Variants in GRIN2B observed in about 807,000 individuals in gnomAD.
GRIN2B encodes glutamate receptor ionotropic, NMDA 2B.
A neutral mutation model predicts 114.5 loss-of-function variants in GRIN2B; 5 were observed. The observed-to-expected ratio is 0.04, with a 90% confidence interval of 0.02 to 0.09. GRIN2B has a LOEUF of 0.09. GRIN2B is among the 10% of genes least tolerant of loss of function. GRIN2B has a pLI of 1.00. For synonymous variants in GRIN2B, 787 were observed against 745.1 expected, an observed-to-expected ratio of 1.06 and a Z score of -0.92; for missense variants, 1,108 against 1,943.5, an observed-to-expected ratio of 0.57 and a Z score of 8.08.
chr12:13,903,350 A>G (rs1233774063), intron 2 of GRIN2B, among the ~76,000 whole-genome samples: 1 of 152,088 alleles, frequency 6.6e-6, no homozygotes, highest in Non-Finnish European at 1.5e-5. Context: ...TTTTTAAAAT[A>G]TAAGCTATAA....
At chr12:13,896,629 A>T (rs1866360038) in intron 2 of GRIN2B, among the ~76,000 whole-genome samples, 1 of 152,218 alleles carries the variant, frequency 6.6e-6, no homozygotes, top group Non-Finnish European at 1.5e-5. Context: ...AATAATACTC[A>T]TATGATGATC....
chr12:13,599,803 C>T (rs1047177790), intron 10 of GRIN2B, among the ~76,000 whole-genome samples: 1 of 152,210 alleles, frequency 6.6e-6, no homozygotes, highest in Non-Finnish European at 1.5e-5. Context: ...GAGCCACCTG[C>T]TCCTCCCCAC....
At chr12:13,710,323 C>G (rs1471378198) in intron 4 of GRIN2B, among the ~76,000 whole-genome samples, 1 of 152,102 alleles carries the variant, frequency 6.6e-6, no homozygotes, top group South Asian at 2.1e-4. Context: ...TGGTACAAGA[C>G]AGGGATACCC....
intron 3 of GRIN2B, among the ~76,000 whole-genome samples, chr12:13,783,650 T>C (rs371578203): frequency 1.3e-5 from 2 of 152,138 alleles, no homozygotes; most frequent in African/African-American, 2.4e-5. Flanking sequence ...CCCAGAGAAA[T>C]TGATGAAGGT....
At chr12:13,833,696 C>T (rs755527143) in intron 3 of GRIN2B, among the ~76,000 whole-genome samples, 56 of 152,246 alleles carry the variant, frequency 3.7e-4, no homozygotes, top group Non-Finnish European at 7.1e-4. Flanking sequence ...TCCTTGCAAC[C>T]GAAGGGGCTC....
intron 10 of GRIN2B, among the ~76,000 whole-genome samples, chr12:13,593,712 A>T (rs2136444666): frequency 6.6e-6 from 1 of 152,380 alleles, no homozygotes; most frequent in Non-Finnish European, 1.5e-5. Context: ...GCTTCTGCAC[A>T]GCAAAATAAA....
intron 2 of GRIN2B, among the ~76,000 whole-genome samples, chr12:13,877,921 G>A (rs1336953834): frequency 6.6e-6 from 1 of 151,870 alleles, no homozygotes; most frequent in African/African-American, 2.4e-5. Context: ...AAAATTAGCT[G>A]GGGGTAGTGG....
intron 2 of GRIN2B, among the ~76,000 whole-genome samples, chr12:13,942,611 C>T (rs7308191): frequency 6.6e-6 from 1 of 152,100 alleles, no homozygotes; most frequent in East Asian, 1.9e-4. Flanking sequence ...TAATGATATC[C>T]TAATAGGCCT....
intron 3 of GRIN2B, among the ~76,000 whole-genome samples, chr12:13,862,356 C>T (rs1363003981): frequency 6.6e-6 from 1 of 152,132 alleles, no homozygotes; most frequent in Non-Finnish European, 1.5e-5. Context: ...CAATCATCCA[C>T]AAGAGCACTT....
At chr12:13,950,520 A>G (rs1467868951) in intron 2 of GRIN2B, among the ~76,000 whole-genome samples, 2 of 152,214 alleles carry the variant, frequency 1.3e-5, no homozygotes, top group African/African-American at 4.8e-5. Context: ...TACATGGAAA[A>G]GCATTTAGCT....
intron 5 of GRIN2B, among the ~76,000 whole-genome samples, chr12:13,646,805 G>T (rs1164944297): frequency 6.6e-6 from 1 of 152,020 alleles, no homozygotes; most frequent in African/African-American, 2.4e-5. Flanking sequence ...TGGGATTACG[G>T]GTGTGAGCCA....
At chr12:13,703,431 A>T (rs551104978) in intron 4 of GRIN2B, among the ~76,000 whole-genome samples, 1 of 152,316 alleles carries the variant, frequency 6.6e-6, no homozygotes, top group Non-Finnish European at 1.5e-5. Flanking sequence ...AATAATAATA[A>T]TTTCACTTTG....
intron 4 of GRIN2B, among the ~76,000 whole-genome samples, chr12:13,700,340 G>A (rs1186938251): frequency 1.3e-5 from 2 of 152,068 alleles, no homozygotes; most frequent in African/African-American, 4.8e-5. Context: ...ACCAACTTGA[G>A]GTGATTGACA....
intron 5 of GRIN2B, among the ~76,000 whole-genome samples, chr12:13,657,591 C>A (rs1949878769): frequency 6.6e-6 from 1 of 152,186 alleles, no homozygotes; most frequent in South Asian, 2.1e-4. Context: ...GCAAAGCCAA[C>A]AAATGCCAGA....
intron 10 of GRIN2B, among the ~76,000 whole-genome samples, chr12:13,596,344 TGTAGA>T (rs1949073724): frequency 6.6e-6 from 1 of 152,198 alleles, no homozygotes; most frequent in Non-Finnish European, 1.5e-5. Context: ...CTGGGAGATG[TGTAGA>T]GGAGTTTCAC....
chr12:13,727,158 G>A (rs575771972), intron 4 of GRIN2B, among the ~76,000 whole-genome samples: 1 of 152,294 alleles, frequency 6.6e-6, no homozygotes, highest in South Asian at 2.1e-4. Context: ...CCTAGGGATT[G>A]TCTAACCCAT....
At position 13,558,374 on chromosome 12, in the gene GRIN2B, A is replaced by G. The variant is rs1948499090; in HGVS notation, c.*4409T>C. On this transcript the variant is annotated 3_prime_UTR_variant, in exon 14 of 14. Transcript: ENST00000609686. Reference sequence around the variant, plus strand: ...CCTTTTTAGAGAGATGATGATTGAAAGAATAAAGTGAGTTCTGGAATAGTT... The same window carrying G: ...CCTTTTTAGAGAGATGATGATTGAAGGAATAAAGTGAGTTCTGGAATAGTT... The G allele has an allele frequency of 1.3e-5, 2 of 152,152 alleles. No homozygotes were observed. Among genetic ancestry groups the G allele is most frequent in the Admixed American group, 1.3e-4 (2 of 15,280 alleles). The allele number at this position is 152,152 out of a possible 1,614,324, so 9.4% of individuals were successfully genotyped here.
intron 5 of GRIN2B, among the ~76,000 whole-genome samples, chr12:13,643,234 G>A (rs1312834639): frequency 6.6e-6 from 1 of 152,092 alleles, no homozygotes; most frequent in Non-Finnish European, 1.5e-5. Flanking sequence ...GTACCTAGGA[G>A]ATATTACAGG....
chr12:13,935,690 G>A (rs1050194340), intron 2 of GRIN2B, among the ~76,000 whole-genome samples: 1 of 152,144 alleles, frequency 6.6e-6, no homozygotes, highest in Non-Finnish European at 1.5e-5. Context: ...AAAGTAAATG[G>A]AAGAGTACCC....
Sources: gnomAD v4.1 joint callset for allele counts (sites outside exome capture counted in the v4.1 genomes callset) on GRCh38, gnomAD v4.1.1 for gene constraint, MANE v1.5 for transcripts, NCBI Gene and HGNC (gene_info 2026-07-23, HGNC 2026-07-21) for gene names.